ARHGAP32: variants seen among roughly 807,000 people sequenced by gnomAD.
ARHGAP32 encodes rho GTPase-activating protein 32.
In ARHGAP32, 51 loss-of-function variants were observed where a neutral mutation model predicts 186.5. The observed-to-expected ratio is 0.27, with a 90% CI of 0.22 to 0.35. The LOEUF (loss-of-function observed/expected upper bound fraction) is 0.35, where lower values mean the gene tolerates loss of function less well. Among genes scored for constraint, ARHGAP32 ranks in the 10% least tolerant of loss-of-function variants. The probability of loss-of-function intolerance (pLI) is 1.00; values close to 1 mark genes in which losing one functional copy is unlikely to be tolerated. For missense variants in ARHGAP32, 2,186 were observed against 2,623.5 expected, an observed-to-expected ratio of 0.83 and a Z score of 3.64; for synonymous variants, 950 against 964.3, an observed-to-expected ratio of 0.99 and a Z score of 0.27.
chr11:129,024,839 ACAAT>A (rs781588050), intron 11 of ARHGAP32, among the ~76,000 whole-genome samples: 2 of 152,178 alleles, frequency 1.3e-5, no homozygotes, highest in South Asian at 2.1e-4. Flanking sequence ...TATCAAACTG[ACAAT>A]CAATCTCAAT....
At chr11:129,215,750 C>T (rs1183658901) in intron 1 of ARHGAP32, among the ~76,000 whole-genome samples, 2 of 152,190 alleles carry the variant, frequency 1.3e-5, no homozygotes, top group Admixed American at 6.6e-5. Context: ...AAATCATTAG[C>T]TTAATCACAT....
At chr11:128,975,516 G>A (rs917012599) in intron 20 of ARHGAP32, among the ~76,000 whole-genome samples, 7 of 151,924 alleles carry the variant, frequency 4.6e-5, no homozygotes, top group African/African-American at 1.7e-4. Flanking sequence ...ATCCCATAAA[G>A]TATTTACATA....
chr11:129,237,598 C>T (rs1394635047), intron 1 of ARHGAP32, among the ~76,000 whole-genome samples: 2 of 152,076 alleles, frequency 1.3e-5, no homozygotes, highest in African/African-American at 2.4e-5. Context: ...GAACTGAGTG[C>T]ATTACGTGGA....
chr11:129,020,708 CT>C (rs1938555290), intron 11 of ARHGAP32, among the ~76,000 whole-genome samples: 1 of 152,038 alleles, frequency 6.6e-6, no homozygotes, highest in Non-Finnish European at 1.5e-5. Flanking sequence ...CTAGGAACCA[CT>C]TTTTAAAATC....
At chr11:129,051,886 C>T (rs957900467) in intron 10 of ARHGAP32, among the ~76,000 whole-genome samples, 3 of 128,868 alleles carry the variant, frequency 2.3e-5, no homozygotes, top group Non-Finnish European at 4.7e-5. Context: ...ACCCAGGAGG[C>T]GGAGGTTGCA....
At chr11:129,206,889 T>A (rs190279878) in intron 1 of ARHGAP32, among the ~76,000 whole-genome samples, 351 of 152,228 alleles carry the variant, frequency 2.3e-3, no homozygotes, top group African/African-American at 8.3e-3. Context: ...TATCTCCTAA[T>A]GCTATCCCTC....
chr11:129,161,003 C>A (rs954518785), intron 2 of ARHGAP32, among the ~76,000 whole-genome samples: 2 of 152,114 alleles, frequency 1.3e-5, no homozygotes, highest in East Asian at 3.8e-4. Flanking sequence ...TAACGCCACA[C>A]ATCTACGACC....
chr11:129,104,062 C>T (rs1437459243), intron 5 of ARHGAP32, among the ~76,000 whole-genome samples: 1 of 151,870 alleles, frequency 6.6e-6, no homozygotes. Context: ...AAGAGATTTA[C>T]CAAGATGTTA....
At chr11:129,215,990 G>A (rs764465099) in intron 1 of ARHGAP32, among the ~76,000 whole-genome samples, 11 of 152,150 alleles carry the variant, frequency 7.2e-5, no homozygotes, top group South Asian at 2.1e-4. Context: ...AGAAAAGAGC[G>A]ATGTGAAAAC....
intron 10 of ARHGAP32, among the ~76,000 whole-genome samples, chr11:129,058,184 AAT>A (rs1307854085): frequency 2.2e-4 from 19 of 85,756 alleles, no homozygotes; most frequent in South Asian, 6.5e-4. Context: ...CAGAAAAAAA[AAT>A]ATACACACAC....
intron 1 of ARHGAP32, among the ~76,000 whole-genome samples, chr11:129,247,459 G>A (rs530891370): frequency 6.6e-6 from 1 of 152,194 alleles, no homozygotes; most frequent in Admixed American, 6.5e-5. Context: ...ATCAAAGGAG[G>A]AGAAATATAC....
At chr11:129,269,532 GC>G (rs1392404908) in intron 1 of ARHGAP32, among the ~76,000 whole-genome samples, 4 of 152,048 alleles carry the variant, frequency 2.6e-5, no homozygotes, top group Non-Finnish European at 5.9e-5. Flanking sequence ...TTTGACACCA[GC>G]CTGGACAACA....
At chr11:129,020,129 T>C (rs1938532729) in intron 11 of ARHGAP32, among the ~76,000 whole-genome samples, 1 of 151,974 alleles carries the variant, frequency 6.6e-6, no homozygotes, top group Admixed American at 6.6e-5. Flanking sequence ...TACCTTTAGT[T>C]TAGGGAAATT....
intron 5 of ARHGAP32, among the ~76,000 whole-genome samples, chr11:129,118,692 T>C (rs954677111): frequency 5.3e-5 from 8 of 152,026 alleles, no homozygotes; most frequent in Non-Finnish European, 1.0e-4. Flanking sequence ...AAAATTCTAC[T>C]AACCCTTCAA....
At chr11:129,268,664 CAAAAAAAAAAAAAAAAA>C (rs58858606) in intron 1 of ARHGAP32, among the ~76,000 whole-genome samples, 49 of 46,398 alleles carry the variant, frequency 1.1e-3, no homozygotes, top group Admixed American at 2.8e-3. Context: ...GCCTCCTCAC[CAAAAAAAAAAAAAAAAA>C]AAAAAAAAAA....
chr11:129,076,709 G>A (rs1394403878), intron 6 of ARHGAP32, among the ~76,000 whole-genome samples: 1 of 152,160 alleles, frequency 6.6e-6, no homozygotes, highest in African/African-American at 2.4e-5. Context: ...AGCATTGAAC[G>A]CATGCATCAG....
At chr11:129,104,173 T>A (rs1357951109) in intron 5 of ARHGAP32, among the ~76,000 whole-genome samples, 1 of 151,920 alleles carries the variant, frequency 6.6e-6, no homozygotes, top group African/African-American at 2.4e-5. Context: ...CCAAAAAAAA[T>A]TTCTAAAATA....
At chr11:129,204,983 T>C (rs904030139) in intron 1 of ARHGAP32, among the ~76,000 whole-genome samples, 3 of 152,156 alleles carry the variant, frequency 2.0e-5, no homozygotes, top group Non-Finnish European at 2.9e-5. Context: ...TCCTTTCTTA[T>C]TGAAATTTGT....
intron 5 of ARHGAP32, among the ~76,000 whole-genome samples, chr11:129,097,970 A>G (rs1941782807): frequency 6.6e-6 from 1 of 152,198 alleles, no homozygotes; most frequent in South Asian, 2.1e-4. Flanking sequence ...AGACTGGGAG[A>G]TTTCTCATTA....
Sources: gnomAD v4.1 joint callset for allele counts (sites outside exome capture counted in the v4.1 genomes callset) on GRCh38, gnomAD v4.1.1 for gene constraint, MANE v1.5 for transcripts, NCBI Gene and HGNC (gene_info 2026-07-23, HGNC 2026-07-21) for gene names.